Variants in PEX16 observed in about 807,000 individuals in gnomAD.
The protein encoded by PEX16 is peroxin 16.
Under a neutral mutation model 50.5 loss-of-function variants are expected in PEX16, and 37 were observed. That is an observed-to-expected ratio of 0.73 (90% CI 0.56 to 0.96). PEX16 has a LOEUF of 0.96. PEX16 is among the 40% of genes least tolerant of loss of function. PEX16 has a pLI of 0.00. For synonymous variants in PEX16, 185 were observed against 190.3 expected, an observed-to-expected ratio of 0.97 and a Z score of 0.23; for missense variants, 401 against 438.3, an observed-to-expected ratio of 0.91 and a Z score of 0.76.
chr11:45,915,654 C>G (rs754838414), intron 4 of PEX16, 49 bp downstream of exon 4: 1 of 1,613,080 alleles, frequency 6.2e-7, no homozygotes, highest in Non-Finnish European at 8.5e-7. Context: ...ATCTGTGTAG[C>G]TAGCCTGCGT....
At chr11:45,913,999 G>A in intron 8 of PEX16, 61 bp from the exon 9 acceptor site, 1 of 1,606,184 alleles carries the variant, frequency 6.2e-7, no homozygotes. Flanking sequence ...CGGAAGGGGA[G>A]GAGCCATGGG....
At chr11:45,910,466 T>C (rs1243305729) in intron 10 of PEX16, among the ~76,000 whole-genome samples, 154 bp from the exon 11 acceptor site, 4 of 152,142 alleles carry the variant, frequency 2.6e-5, no homozygotes, top group Admixed American at 2.0e-4. Flanking sequence ...TCTGGCACCA[T>C]TTACAAAGAC....
chr11:45,910,407 C>T, intron 10 of PEX16, 95 bp from the exon 11 acceptor site: 1 of 1,040,754 alleles, frequency 9.6e-7, no homozygotes, highest in South Asian at 1.3e-5. Flanking sequence ...CAGGAGCCAG[C>T]CCAGCTGGCT....
rs2086756720 is a variant in PEX16 at position 45,909,878 on chromosome 11, C to CG, written c.*375dup. 2 of 597,212 alleles carry CG rather than the reference C, an allele frequency of 3.3e-6. No homozygotes were observed. Among genetic ancestry groups the CG allele is most frequent in the Middle Eastern group, 4.5e-4 (1 of 2,230 alleles). 37.0% of individuals were successfully genotyped at this position (597,212 alleles called of 1,614,324 possible). A position where few individuals can be genotyped will look rare whatever the true frequency, so the allele number is the denominator to read the frequency against. On this transcript the variant is annotated 3_prime_UTR_variant, in exon 11 of 11. Transcript: ENST00000378750. Reference sequence around the variant, plus strand: ...CGCTGGGCAGCGTTCAGCCATCACCCGGGTTCAGGCTTCCTGTCCTCACCA... The same window carrying CG: ...CGCTGGGCAGCGTTCAGCCATCACCCGGGGTTCAGGCTTCCTGTCCTCACCA...
intron 10 of PEX16, 119 bp from the exon 11 acceptor site, chr11:45,910,431 C>T (rs910689450): frequency 1.9e-5 from 16 of 826,128 alleles, no homozygotes; most frequent in Middle Eastern, 6.0e-4. Context: ...TTGCCCTGCC[C>T]CCAGGAGGCA....
At position 45,910,156 on chromosome 11, in the gene PEX16, G is replaced by C; in HGVS notation, c.*98C>G. ...TGTGTGGGGCCTGGCCGGTAGGCAC[G>C]GAGAGGCCGCACGCTGGGACGCTGC... On this transcript the variant is annotated 3_prime_UTR_variant, in exon 11 of 11. Coordinates refer to ENST00000378750, the MANE Select transcript of PEX16 (RefSeq NM_004813.4). 1 of 1,612,044 alleles carries C rather than the reference G, an allele frequency of 6.2e-7. No homozygotes were observed. The highest frequency in any genetic ancestry group is 1.3e-5 in the African/African-American group (1 of 74,998).
intron 5 of PEX16, 136 bp downstream of exon 5, chr11:45,915,332 T>C (rs1333072430): frequency 5.9e-6 from 4 of 674,982 alleles, no homozygotes; most frequent in African/African-American, 3.5e-5. Flanking sequence ...GTCGAATACA[T>C]GGCAATGAGA....
intron 4 of PEX16, 22 bp downstream of exon 4, chr11:45,915,681 C>T: frequency 6.2e-7 from 1 of 1,613,956 alleles, no homozygotes; most frequent in Non-Finnish European, 8.5e-7. Flanking sequence ...CACCCAGGAC[C>T]CTCTCCACAA....
chr11:45,914,468 G>C lies in PEX16; in HGVS notation c.542C>G (p.Thr181Arg). Reference protein sequence around the residue: ...SNRVVRTLQNTPSLHSRHWGA... With the variant: ...SNRVVRTLQNRPSLHSRHWGA... ...CCAGTGCCTGGAGTGCAGGGACGGC[G>C]CTAGAACACAAGGGCGGCAGATGAG... is the stretch of plus-strand genomic sequence containing the variant. The change falls in exon 7 of 11, where the codon ACG becomes AGG. Residue 181 changes from threonine (T) to arginine (R), a missense_variant and splice_region_variant. Coordinates refer to ENST00000378750, the MANE Select transcript of PEX16 (RefSeq NM_004813.4). 6.2e-7 allele frequency: 1 copy of C among 1,607,830 alleles called. No individual in the cohort carries two copies. Among genetic ancestry groups the C allele is most frequent in the Non-Finnish European group, 8.5e-7 (1 of 1,179,826 alleles).
At chr11:45,914,992 C>G (rs1046166833) in intron 5 of PEX16, among the ~76,000 whole-genome samples, 2 of 152,212 alleles carry the variant, frequency 1.3e-5, no homozygotes, top group African/African-American at 4.8e-5. Context: ...CTATGGAGAC[C>G]ACAGCACCAG....
At chr11:45,916,325 TGA>T in intron 2 of PEX16, 22 bp from the exon 3 acceptor site, 9 of 1,597,878 alleles carry the variant, frequency 5.6e-6, no homozygotes, top group Non-Finnish European at 7.7e-6. Context: ...AGAGTGGCCT[TGA>T]GAGGCTGGCT....
intron 3 of PEX16, 96 bp downstream of exon 3, chr11:45,916,131 T>C (rs2086832278): frequency 1.1e-6 from 1 of 935,010 alleles, no homozygotes; most frequent in Non-Finnish European, 1.8e-6. Flanking sequence ...GCCTGTCTCA[T>C]ACTCCATGAG....
In PEX16 at chr11:45,910,950, G is replaced by A. The variant is rs369738467; in HGVS notation, c.900C>T (p.Leu300=). Residue 300 remains leucine (L), a synonymous_variant, in exon 10 of 11, where the codon CTC becomes CTT. Coordinates refer to ENST00000378750, the MANE Select transcript of PEX16 (RefSeq NM_004813.4). ...FYDRFSEARI[L]FLLQLLADHV... ...GGTCGGCCAGCAACTGGAGCAGGAA[G>A]AGGATCCTGGCCCTGGGGGAGGCAA... 1 of 1,613,266 alleles carries A rather than the reference G, an allele frequency of 6.2e-7. No individual in the cohort carries two copies. The highest frequency in any genetic ancestry group is 1.3e-5 in the African/African-American group (1 of 74,940).
chr11:45,915,402 T>C, intron 5 of PEX16, 66 bp downstream of exon 5: 1 of 1,195,528 alleles, frequency 8.4e-7, no homozygotes, highest in South Asian at 1.2e-5. Context: ...TTCATGCTGG[T>C]TGGATCTAAA....
intron 3 of PEX16, 73 bp downstream of exon 3, chr11:45,916,154 C>A: frequency 1.8e-6 from 2 of 1,095,906 alleles, no homozygotes; most frequent in Non-Finnish European, 2.8e-6. Flanking sequence ...ATGTGCTGCA[C>A]GCATGGGCTA....
intron 9 of PEX16, 56 bp downstream of exon 9, chr11:45,913,763 G>A (rs1017521932): frequency 1.9e-6 from 3 of 1,605,426 alleles, no homozygotes. Flanking sequence ...AGGGACCGGA[G>A]CACCAGTGCC....
chr11:45,917,665 G>A lies in PEX16; in HGVS notation c.112+35C>T, dbSNP rs1565082941. 7.3e-6 allele frequency: 11 copies of A among 1,515,234 alleles called. No individual in the cohort carries two copies. In the South Asian group the frequency reaches 1.1e-4, roughly 15 times the overall value. 93.9% of individuals were successfully genotyped at this position (1,515,234 alleles called of 1,614,324 possible). A position where few individuals can be genotyped will look rare whatever the true frequency, so the allele number is the denominator to read the frequency against. ...GGGGCCACTGGGGTCATAGGTCAGG[G>A]CCCAGAAGGAACTGATCAAAGGTCA... On this transcript the variant is annotated intron_variant, in intron 1 of 10. Transcript: ENST00000378750.
chr11:45,914,372 AG>A lies in PEX16; in HGVS notation c.637del (p.Leu213TrpfsTer42). 2 of 1,611,010 alleles carry A rather than the reference AG, an allele frequency of 1.2e-6. No individual in the cohort carries two copies. ...HEELSATPTPLGLQETIAEFL... is the reference protein window; with the variant it reads ...HEELSATPTPXGLQETIAEFL... ...CTCTGCGATGGTCTCCTGCAGCCCC[AG>A]GGGGGTGGGGGTCGCACTCAGCTCC... On this transcript the variant is annotated frameshift_variant, in exon 7 of 11. Coordinates refer to ENST00000378750, the MANE Select transcript of PEX16 (RefSeq NM_004813.4). LOFTEE classifies it high-confidence loss of function.
At chr11:45,918,161 G>T (rs1390710425), upstream of PEX16, 8 of 411,088 alleles carry the variant, frequency 1.9e-5, no homozygotes, top group Non-Finnish European at 4.6e-6. Context: ...TAAAGCTCCG[G>T]TAAAGCCGGG....
Sources: gnomAD v4.1 joint callset for allele counts (sites outside exome capture counted in the v4.1 genomes callset) on GRCh38, gnomAD v4.1.1 for gene constraint, MANE v1.5 for transcripts, NCBI Gene and HGNC (gene_info 2026-07-23, HGNC 2026-07-21) for gene names.